The following RBMS3 variants were observed in gnomAD, a reference collection of about 807,000 sequenced individuals.
The protein encoded by RBMS3 is RNA-binding motif, single-stranded-interacting protein 3.
In RBMS3, 27 loss-of-function variants were observed where a neutral mutation model predicts 66.8. The ratio of observed to expected loss-of-function variants is 0.40; its 90% CI spans 0.30 to 0.56. RBMS3 has a LOEUF of 0.56. Among genes scored for constraint, RBMS3 ranks in the 20% least tolerant of loss-of-function variants. The pLI is 0.40. For missense variants in RBMS3, 513 were observed against 549.5 expected, an observed-to-expected ratio of 0.93 and a Z score of 0.66; for synonymous variants, 188 against 183.0, an observed-to-expected ratio of 1.03 and a Z score of -0.22.
chr3:29,702,636 CAGGAGGAATGAACAACTCTGGAT>C (rs918592721), intron 4 of RBMS3, among the ~76,000 whole-genome samples: 9 of 152,242 alleles, frequency 5.9e-5, no homozygotes, highest in African/African-American at 1.2e-4. Context: ...ACAAACCCAC[CAGGAGGAATGAACAACTCTGGAT>C]AGGAGGAATG....
chr3:29,659,094 G>A (rs1020605206), intron 4 of RBMS3, among the ~76,000 whole-genome samples: 4 of 152,146 alleles, frequency 2.6e-5, no homozygotes, highest in African/African-American at 9.7e-5. Context: ...TGGGATTCGA[G>A]GCATGAGCCA....
chr3:29,981,499 T>C (rs1241010230), intron 12 of RBMS3, among the ~76,000 whole-genome samples: 1 of 152,174 alleles, frequency 6.6e-6, no homozygotes. Context: ...GGCATCCTTG[T>C]CTTGTGCTTG....
At chr3:29,332,642 C>A (rs1268733691) in intron 1 of RBMS3, among the ~76,000 whole-genome samples, 1 of 152,162 alleles carries the variant, frequency 6.6e-6, no homozygotes, top group Non-Finnish European at 1.5e-5. Flanking sequence ...ATACTCGAAA[C>A]ATCCAGTTAT....
intron 10 of RBMS3, among the ~76,000 whole-genome samples, chr3:29,932,598 G>T (rs1041300343): frequency 6.6e-6 from 1 of 152,150 alleles, no homozygotes; most frequent in Admixed American, 6.5e-5. Flanking sequence ...TCTTATTGTG[G>T]TTCATCTTCT....
chr3:29,595,353 C>G (rs569602236), intron 4 of RBMS3, among the ~76,000 whole-genome samples: 1 of 147,956 alleles, frequency 6.8e-6, no homozygotes, highest in African/African-American at 2.5e-5. Context: ...GAACCAAGAT[C>G]GCACCATTGC....
intron 2 of RBMS3, among the ~76,000 whole-genome samples, chr3:29,477,621 A>G (rs1027671283): frequency 2.0e-5 from 3 of 152,176 alleles, no homozygotes; most frequent in Non-Finnish European, 2.9e-5. Context: ...CATCTCTAAT[A>G]ATAAAGATAT....
intron 12 of RBMS3, among the ~76,000 whole-genome samples, chr3:29,980,339 G>C (rs972322037): frequency 3.3e-5 from 5 of 152,156 alleles, no homozygotes; most frequent in Non-Finnish European, 5.9e-5. Context: ...TTAGCCCTTT[G>C]TCAGATGGAT....
intron 5 of RBMS3, among the ~76,000 whole-genome samples, chr3:29,759,920 C>T (rs1269662075): frequency 1.3e-5 from 2 of 152,010 alleles, no homozygotes; most frequent in African/African-American, 2.4e-5. Context: ...ACACTAAGCG[C>T]CGGCAGCTAC....
rs774289535 is a variant in RBMS3 at position 29,936,147 on chromosome 3, G to A, written c.1001G>A (p.Gly334Asp). 1.2e-6 allele frequency: 2 copies of A among 1,613,382 alleles called. No homozygotes were observed. Among genetic ancestry groups the A allele is most frequent in the South Asian group, 1.1e-5 (1 of 91,030 alleles). Reference protein sequence around the residue: ...PMSMQPANMMGPLTQQMNHLS... With the variant: ...PMSMQPANMMDPLTQQMNHLS... Reference sequence around the variant, plus strand: ...TCAATGCAGCCAGCCAACATGATGGGCCCACTGACACAGCAGATGAATCAC... The same window carrying A: ...TCAATGCAGCCAGCCAACATGATGGACCCACTGACACAGCAGATGAATCAC... Residue 334 changes from glycine to aspartate, a missense_variant, in exon 11 of 15, where the codon GGC (glycine) becomes GAC (aspartate). Gly to Asp is a moderately conservative substitution (Grantham distance 94, BLOSUM62 -1). Coordinates refer to ENST00000383767, the MANE Select transcript of RBMS3 (RefSeq NM_001003793.3).
intron 4 of RBMS3, chr3:29,615,210 C>G (rs976706552): frequency 6.6e-6 from 1 of 152,334 alleles, no homozygotes; most frequent in African/African-American, 2.4e-5. Flanking sequence ...CCATAATATT[C>G]CATGACTGGA....
chr3:29,806,140 A>G (rs897024193), intron 6 of RBMS3, among the ~76,000 whole-genome samples: 2 of 152,070 alleles, frequency 1.3e-5, no homozygotes, highest in African/African-American at 2.4e-5. Context: ...TGCATGAACC[A>G]TATTTCCCTT....
intron 1 of RBMS3, among the ~76,000 whole-genome samples, chr3:29,343,395 T>C (rs1344678633): frequency 2.0e-5 from 3 of 152,104 alleles, no homozygotes; most frequent in African/African-American, 7.2e-5. Flanking sequence ...AACAATGCAA[T>C]TTGACATATT....
At position 29,936,087 on chromosome 3, in the gene RBMS3, G is replaced by C; in HGVS notation, c.941G>C (p.Gly314Ala). The C allele has an allele frequency of 6.2e-7, 1 of 1,611,902 alleles. No homozygotes were observed. The highest frequency in any genetic ancestry group is 1.1e-5 in the South Asian group (1 of 90,772). ...PHPPYVMQPT[G>A]AVITPTMDHP... Reference sequence around the variant, plus strand: ...AATGGACATTGTATATGCTTGTAGGGTGCTGTGATTACACCAACCATGGAC... The same window carrying C: ...AATGGACATTGTATATGCTTGTAGGCTGCTGTGATTACACCAACCATGGAC... The change falls in exon 11 of 15, where the codon GGT becomes GCT. Residue 314 changes from glycine to alanine, a missense_variant and splice_region_variant. Gly to Ala is a moderately conservative substitution (Grantham distance 60, BLOSUM62 0). Transcript: ENST00000383767.
intron 2 of RBMS3, among the ~76,000 whole-genome samples, chr3:29,459,899 G>A (rs1242516156): frequency 6.6e-6 from 1 of 152,150 alleles, no homozygotes; most frequent in South Asian, 2.1e-4. Flanking sequence ...GAAACATCCA[G>A]TTCAAACAAT....
At chr3:29,554,635 T>G (rs79866422) in intron 3 of RBMS3, among the ~76,000 whole-genome samples, 1,978 of 152,290 alleles carry the variant, frequency 0.013, 54 homozygotes, top group African/African-American at 0.045. Context: ...GATTTTAAGC[T>G]AGGCTTTTCA....
At chr3:29,966,184 T>C (rs975843899) in intron 12 of RBMS3, among the ~76,000 whole-genome samples, 2 of 152,106 alleles carry the variant, frequency 1.3e-5, no homozygotes, top group African/African-American at 4.8e-5. Context: ...TTATTTTTGC[T>C]TTGGCTATAT....
intron 3 of RBMS3, among the ~76,000 whole-genome samples, chr3:29,554,705 A>G (rs2046286888): frequency 6.6e-6 from 1 of 152,190 alleles, no homozygotes; most frequent in Non-Finnish European, 1.5e-5. Context: ...CTAAAATAAA[A>G]GTAACAGCAA....
At chr3:29,608,000 T>G (rs181860014) in intron 4 of RBMS3, among the ~76,000 whole-genome samples, 11 of 152,122 alleles carry the variant, frequency 7.2e-5, no homozygotes, top group Admixed American at 5.9e-4. Flanking sequence ...ATTTACATGG[T>G]ACGAGAAATC....
chr3:29,443,939 C>T (rs144932191), intron 2 of RBMS3, among the ~76,000 whole-genome samples: 3 of 151,976 alleles, frequency 2.0e-5, no homozygotes, highest in Non-Finnish European at 2.9e-5. Flanking sequence ...TTAGCTGGAG[C>T]GAATATGGAG....
Sources: allele counts gnomAD v4.1 joint callset (sites outside exome capture counted in the v4.1 genomes callset), GRCh38; gene constraint gnomAD v4.1.1; transcripts MANE v1.5; gene names NCBI Gene and HGNC (gene_info 2026-07-23, HGNC 2026-07-21).